The following TTLL5 variants were observed in gnomAD, a reference collection of about 807,000 sequenced individuals.
TTLL5 encodes tubulin tyrosine ligase like 5, also known as tubulin polyglutamylase TTLL5.
TTLL5 carries 132 observed loss-of-function variants against 168.4 expected under a neutral mutation model. That is an observed-to-expected ratio of 0.78 (90% CI 0.68 to 0.91). The LOEUF (loss-of-function observed/expected upper bound fraction) is 0.91. TTLL5 is among the 40% of genes least tolerant of loss of function. TTLL5 has a pLI of 0.00. For synonymous variants in TTLL5, 546 were observed against 558.6 expected, an observed-to-expected ratio of 0.98 and a Z score of 0.32; for missense variants, 1,545 against 1,581.5, an observed-to-expected ratio of 0.98 and a Z score of 0.39.
intron 31 of TTLL5, among the ~76,000 whole-genome samples, chr14:75,918,409 C>T (rs1320191409): frequency 6.6e-6 from 1 of 152,188 alleles, no homozygotes; most frequent in African/African-American, 2.4e-5. Flanking sequence ...AACTTCATCA[C>T]ACTTCTGCAG....
At chr14:75,744,998 T>C (rs922370094) in intron 15 of TTLL5, 97 bp from the exon 16 acceptor site, 3 of 990,252 alleles carry the variant, frequency 3.0e-6, no homozygotes, top group African/African-American at 3.3e-5. Flanking sequence ...TATAAATCTT[T>C]AGAAAAATAA....
chr14:75,919,197 CAAAAA>C (rs10655974), intron 31 of TTLL5, among the ~76,000 whole-genome samples: 2,033 of 56,046 alleles, frequency 0.036, 30 homozygotes, highest in African/African-American at 0.13. Flanking sequence ...AAGACCGTCT[CAAAAA>C]AAAAAAAAAA....
Position 75,877,502 on chromosome 14 carries a change from C to G in TTLL5, c.3523-5183C>G, listed in dbSNP as rs188698581. ...CCAACCCTCAAACTGTGGTTTTTCT[C>G]TGAGTCTTCTTGCTGTAGTATGGCT... On this transcript the variant is annotated intron_variant, in intron 29 of 31. Transcript: ENST00000298832. Among the ~76,000 whole-genome samples, 324 of 152,246 alleles carry G rather than the reference C, an allele frequency of 2.1e-3. 3 individuals carry two copies. Among genetic ancestry groups the G allele is most frequent in the African/African-American group, 7.3e-3 (303 of 41,570 alleles).
chr14:75,709,491 T>G, intron 9 of TTLL5: 1 of 346,902 alleles, frequency 2.9e-6, no homozygotes, highest in Non-Finnish European at 5.5e-6. Context: ...CTACCAAAAC[T>G]CCCTAGTTCT....
chr14:75,887,652 G>A (rs73321408), intron 30 of TTLL5, among the ~76,000 whole-genome samples: 2,265 of 152,198 alleles, frequency 0.015, 52 homozygotes, highest in African/African-American at 0.052. Context: ...TATATGACCC[G>A]CTGTGCTCAC....
intron 28 of TTLL5, among the ~76,000 whole-genome samples, chr14:75,828,982 G>A (rs1320018481): frequency 6.6e-6 from 1 of 152,112 alleles, no homozygotes; most frequent in Non-Finnish European, 1.5e-5. Context: ...CCTGAAGGAG[G>A]TATCAGACAA....
chr14:75,904,579 G>A (rs1199413477), intron 31 of TTLL5, among the ~76,000 whole-genome samples: 4 of 152,120 alleles, frequency 2.6e-5, no homozygotes, highest in East Asian at 1.9e-4. Context: ...TCTTGGTAAC[G>A]TTATTTAGAA....
intron 28 of TTLL5, among the ~76,000 whole-genome samples, chr14:75,826,970 A>G (rs889576573): frequency 5.3e-5 from 8 of 152,156 alleles, no homozygotes; most frequent in African/African-American, 1.9e-4. Context: ...CGTATTACCT[A>G]CCCAGTACAG....
intron 9 of TTLL5, among the ~76,000 whole-genome samples, chr14:75,716,619 C>A (rs544997931): frequency 6.6e-6 from 1 of 151,410 alleles, no homozygotes; most frequent in African/African-American, 2.4e-5. Flanking sequence ...TTTTCACACA[C>A]TTGGATATGC....
intron 3 of TTLL5, among the ~76,000 whole-genome samples, chr14:75,672,889 C>T (rs903663187): frequency 2.6e-5 from 4 of 152,086 alleles, no homozygotes; most frequent in African/African-American, 9.7e-5. Context: ...TCAGTCTTTT[C>T]TCTTTTTTCC....
intron 30 of TTLL5, among the ~76,000 whole-genome samples, chr14:75,888,935 G>GAA (rs10680423): frequency 0.86 from 124,809 of 145,494 alleles, 53,502 homozygotes; most frequent in East Asian, 0.91. Context: ...GACTGTCTCC[G>GAA]AAAAAAAAAA....
intron 6 of TTLL5, among the ~76,000 whole-genome samples, chr14:75,698,315 C>T (rs182332602): frequency 5.3e-5 from 8 of 152,318 alleles, no homozygotes. Flanking sequence ...AAGTGTAAAG[C>T]TGAACCTGGG....
At chr14:75,857,722 G>A (rs901675404) in intron 28 of TTLL5, among the ~76,000 whole-genome samples, 6 of 150,826 alleles carry the variant, frequency 4.0e-5, no homozygotes, top group South Asian at 4.2e-4. Context: ...CACAATCTCC[G>A]CTCACTGCAA....
At chr14:75,790,761 G>A (rs1005608970) in intron 26 of TTLL5, among the ~76,000 whole-genome samples, 13 of 150,712 alleles carry the variant, frequency 8.6e-5, no homozygotes, top group Admixed American at 4.0e-4. Context: ...CACCATTCCC[G>A]GCCCAGGAAC....
intron 31 of TTLL5, among the ~76,000 whole-genome samples, chr14:75,909,484 G>A (rs1440702370): frequency 6.6e-6 from 1 of 151,784 alleles, no homozygotes; most frequent in East Asian, 1.9e-4. Flanking sequence ...ACTGACACTG[G>A]TGCATTCACT....
chr14:75,776,685 G>A, intron 22 of TTLL5, 62 bp from the exon 23 acceptor site: 1 of 1,181,398 alleles, frequency 8.5e-7, no homozygotes, highest in Non-Finnish European at 1.2e-6. Flanking sequence ...ATGATGAAGT[G>A]CATATTTATT....
intron 27 of TTLL5, among the ~76,000 whole-genome samples, chr14:75,802,704 T>G (rs964115042): frequency 4.6e-5 from 7 of 152,328 alleles, no homozygotes; most frequent in Admixed American, 2.6e-4. Context: ...ATGAAATAAC[T>G]CACTCTCTTG....
intron 28 of TTLL5, chr14:75,847,790 G>A (rs895885837): frequency 1.3e-5 from 2 of 152,052 alleles, no homozygotes; most frequent in Non-Finnish European, 2.9e-5. Context: ...TCACCTGACA[G>A]GCTTGTTAAC....
At chr14:75,866,527 C>G (rs2030531145) in intron 29 of TTLL5, among the ~76,000 whole-genome samples, 1 of 152,160 alleles carries the variant, frequency 6.6e-6, no homozygotes, top group Non-Finnish European at 1.5e-5. Context: ...TTATATTTAT[C>G]TTATATCATA....
Sources: gnomAD v4.1 joint callset for allele counts (sites outside exome capture counted in the v4.1 genomes callset) on GRCh38, gnomAD v4.1.1 for gene constraint, MANE v1.5 for transcripts, NCBI Gene and HGNC (gene_info 2026-07-23, HGNC 2026-07-21) for gene names.